MGAT4C: variants seen among roughly 807,000 people sequenced by gnomAD.
The protein encoded by MGAT4C is MGAT4 family member C.
MGAT4C carries 19 observed loss-of-function variants against 40.1 expected under a neutral mutation model. The ratio of observed to expected loss-of-function variants is 0.47; its 90% CI spans 0.33 to 0.70. The LOEUF (loss-of-function observed/expected upper bound fraction) is 0.70, where lower values mean the gene tolerates loss of function less well. MGAT4C is among the 30% of genes least tolerant of loss of function. The pLI, the probability that MGAT4C is intolerant of heterozygous loss-of-function variation, is 0.02. For missense variants in MGAT4C, 491 were observed against 563.2 expected (o/e 0.87, Z 1.30); for synonymous variants, 181 against 187.1 (o/e 0.97, Z 0.27).
intron 2 of MGAT4C, among the ~76,000 whole-genome samples, chr12:86,443,585 T>G (rs2897327): frequency 0.89 from 135,506 of 152,138 alleles, 60,548 homozygotes; most frequent in East Asian, 1. Context: ...CTGTTTTTTT[T>G]TTGTTGTTGT....
chr12:86,708,891 C>T (rs182734319), intron 2 of MGAT4C, among the ~76,000 whole-genome samples: 30 of 152,242 alleles, frequency 2.0e-4, no homozygotes, highest in Admixed American at 2.0e-3. Flanking sequence ...ATTTTACTGG[C>T]TCATAGGCAG....
chr12:86,255,838 T>G (rs2136087028), intron 1 of MGAT4C, among the ~76,000 whole-genome samples: 1 of 152,276 alleles, frequency 6.6e-6, no homozygotes, highest in South Asian at 2.1e-4. Flanking sequence ...TTGACTCATT[T>G]TAAGTCTACA....
At chr12:86,508,965 TG>T (rs1958521931) in intron 2 of MGAT4C, among the ~76,000 whole-genome samples, 1 of 151,964 alleles carries the variant, frequency 6.6e-6, no homozygotes, top group Non-Finnish European at 1.5e-5. Flanking sequence ...ATTAGCCCTT[TG>T]TCAGATGAGT....
chr12:86,701,831 A>T (rs1215352963), intron 2 of MGAT4C, among the ~76,000 whole-genome samples: 1 of 152,162 alleles, frequency 6.6e-6, no homozygotes, highest in Non-Finnish European at 1.5e-5. Flanking sequence ...ATTAATAATA[A>T]GAACATTAAA....
chr12:86,228,640 A>G (rs1951193644), intron 1 of MGAT4C, among the ~76,000 whole-genome samples: 1 of 151,394 alleles, frequency 6.6e-6, no homozygotes, highest in Non-Finnish European at 1.5e-5. Flanking sequence ...TCTATGGAAG[A>G]GAAATAAGGA....
intron 2 of MGAT4C, among the ~76,000 whole-genome samples, chr12:85,991,218 G>C (rs1334182440): frequency 1.3e-5 from 2 of 152,154 alleles, no homozygotes; most frequent in African/African-American, 4.8e-5. Flanking sequence ...CTTCTCAGCA[G>C]ACAGGGTAGC....
rs1883108043 is a variant in MGAT4C, at chr12:85,961,480, A to G, written c.*17809T>C. The G allele has an allele frequency of 6.6e-6, 1 of 151,708 alleles. No individual in the cohort carries two copies. Among genetic ancestry groups the G allele is most frequent in the African/African-American group, 2.4e-5 (1 of 41,382 alleles). 9.4% of individuals were successfully genotyped at this position (151,708 alleles called of 1,614,324 possible). On this transcript the variant is annotated 3_prime_UTR_variant, in exon 5 of 5. Transcript: ENST00000611864. Reference sequence around the variant, plus strand: ...ATAATCAAGATAATTATGTATATATATAAAATTATATATGGTATAGTTTCA... The same window carrying G: ...ATAATCAAGATAATTATGTATATATGTAAAATTATATATGGTATAGTTTCA...
chr12:86,359,934 T>A (rs1955418379), intron 3 of MGAT4C, among the ~76,000 whole-genome samples: 1 of 152,200 alleles, frequency 6.6e-6, no homozygotes, highest in Non-Finnish European at 1.5e-5. Flanking sequence ...CTTCTGAAAC[T>A]ATTCCAATTA....
intron 4 of MGAT4C, among the ~76,000 whole-genome samples, chr12:86,304,614 C>T (rs1469366635): frequency 6.6e-6 from 1 of 150,576 alleles, no homozygotes; most frequent in Non-Finnish European, 1.5e-5. Context: ...TAATTGTTAT[C>T]TTCCAAAAAA....
At chr12:86,487,906 C>G (rs1414306701) in intron 2 of MGAT4C, among the ~76,000 whole-genome samples, 12 of 151,934 alleles carry the variant, frequency 7.9e-5, no homozygotes, top group Admixed American at 5.9e-4. Flanking sequence ...AAGTTTATAT[C>G]AAAATAAAAA....
chr12:86,195,098 C>T (rs1323973631), intron 1 of MGAT4C, among the ~76,000 whole-genome samples: 2 of 152,078 alleles, frequency 1.3e-5, no homozygotes. Flanking sequence ...AACATCAATC[C>T]TTATTTTCAC....
rs561467925 is a variant in MGAT4C at position 86,761,841 on chromosome 12, C to T, written c.-261-34600G>A. Among the ~76,000 whole-genome samples, 11 of 152,086 alleles carry T rather than the reference C, an allele frequency of 7.2e-5. No homozygotes were observed. In the South Asian group the frequency reaches 2.1e-3, roughly 29 times the overall value. On this transcript the variant is annotated intron_variant, in intron 1 of 7. Coordinates refer to the MGAT4C transcript ENST00000548651. Reference sequence around the variant, plus strand: ...AGGACCTTTGTGATAGAATCTAGTGCCCCACAAAATAATTCAAAATAATAT... The same window carrying T: ...AGGACCTTTGTGATAGAATCTAGTGTCCCACAAAATAATTCAAAATAATAT...
At chr12:86,438,656 C>T (rs993846208) in intron 2 of MGAT4C, among the ~76,000 whole-genome samples, 5 of 151,802 alleles carry the variant, frequency 3.3e-5, no homozygotes, top group African/African-American at 1.2e-4. Flanking sequence ...TATATAAATG[C>T]TCCACTTAAA....
intron 2 of MGAT4C, among the ~76,000 whole-genome samples, chr12:86,595,613 T>C (rs1455420976): frequency 6.6e-6 from 1 of 152,148 alleles, no homozygotes; most frequent in East Asian, 1.9e-4. Context: ...CAGTCTATGA[T>C]AGACTGCATA....
chr12:86,638,913 A>G (rs904643304), intron 2 of MGAT4C, among the ~76,000 whole-genome samples: 4 of 151,774 alleles, frequency 2.6e-5, no homozygotes, highest in Non-Finnish European at 5.9e-5. Context: ...TTTCTATTTC[A>G]AGTTCTTCAT....
intron 2 of MGAT4C, among the ~76,000 whole-genome samples, chr12:86,663,406 A>G (rs1409733350): frequency 6.6e-6 from 1 of 151,638 alleles, no homozygotes; most frequent in Non-Finnish European, 1.5e-5. Flanking sequence ...CAAAAGAAAA[A>G]GTAAAAGAAA....
At chr12:86,556,067 T>A (rs2136402388) in intron 2 of MGAT4C, among the ~76,000 whole-genome samples, 1 of 152,350 alleles carries the variant, frequency 6.6e-6, no homozygotes, top group African/African-American at 2.4e-5. Flanking sequence ...TTGTTACATA[T>A]AAAGACAACA....
intron 2 of MGAT4C, among the ~76,000 whole-genome samples, chr12:86,699,316 CTCTT>C (rs1191587341): frequency 9.2e-5 from 14 of 152,156 alleles, no homozygotes; most frequent in Admixed American, 7.9e-4. Flanking sequence ...AGCACTTAGA[CTCTT>C]TCTGCTGTGC....
At chr12:86,731,723 G>T (rs1000419270) in intron 1 of MGAT4C, among the ~76,000 whole-genome samples, 1 of 151,610 alleles carries the variant, frequency 6.6e-6, no homozygotes, top group Non-Finnish European at 1.5e-5. Context: ...CTGAAGACAA[G>T]TTCTTCTGGG....
Sources: allele counts gnomAD v4.1 joint callset (sites outside exome capture counted in the v4.1 genomes callset), GRCh38; gene constraint gnomAD v4.1.1; transcripts MANE v1.5; gene names NCBI Gene and HGNC (gene_info 2026-07-23, HGNC 2026-07-21).